Variants in GPHN observed in about 807,000 individuals in gnomAD.
The protein encoded by GPHN is gephyrin.
Under a neutral mutation model 95.5 loss-of-function variants are expected in GPHN, and 17 were observed. The observed-to-expected ratio is 0.18, with a 90% CI of 0.12 to 0.27. The LOEUF (loss-of-function observed/expected upper bound fraction) is 0.27, where lower values mean the gene tolerates loss of function less well. GPHN is among the 10% of genes least tolerant of loss of function. The probability of loss-of-function intolerance (pLI) is 1.00; values close to 1 mark genes in which losing one functional copy is unlikely to be tolerated. For synonymous variants in GPHN, 320 were observed against 322.5 expected, an observed-to-expected ratio of 0.99 and a Z score of 0.08; for missense variants, 660 against 978.1, an observed-to-expected ratio of 0.67 and a Z score of 4.34.
At chr14:66,557,624 C>G in intron 1 of GPHN, among the ~76,000 whole-genome samples, 1 of 152,190 alleles carries the variant, frequency 6.6e-6, no homozygotes, top group Non-Finnish European at 1.5e-5. Context: ...GTATATATAA[C>G]TTTTTTTCTC....
chr14:67,548,934 T>C, the GPHN span, among the ~76,000 whole-genome samples: 93,288 of 152,044 alleles, frequency 0.61, 29,019 homozygotes, highest in Non-Finnish European at 0.65. Context: ...TGGTTCTGTT[T>C]ACTCCCCTTA....
chr14:66,540,058 C>CAT (rs2059299191), intron 1 of GPHN, among the ~76,000 whole-genome samples: 1 of 152,180 alleles, frequency 6.6e-6, no homozygotes, highest in Non-Finnish European at 1.5e-5. Flanking sequence ...AGTTATGCTG[C>CAT]ATAACAAATG....
At chr14:67,386,925 C>T in the GPHN span, 1 of 154,458 alleles carries the variant, frequency 6.5e-6, no homozygotes, top group Non-Finnish European at 1.4e-5. Flanking sequence ...GTATGGGATT[C>T]TAATAGCTAG....
chr14:67,697,078 A>G, the GPHN span, among the ~76,000 whole-genome samples: 1 of 152,198 alleles, frequency 6.6e-6, no homozygotes, highest in Non-Finnish European at 1.5e-5. Flanking sequence ...TCATTCACGC[A>G]TTTGACAAAC....
chr14:66,610,789 G>T (rs936157629), intron 1 of GPHN, among the ~76,000 whole-genome samples: 1 of 152,128 alleles, frequency 6.6e-6, no homozygotes, highest in African/African-American at 2.4e-5. Flanking sequence ...AATGAGAAGG[G>T]ATGGAGAGTT....
At chr14:67,568,622 AAAAG>A in the GPHN span, among the ~76,000 whole-genome samples, 1 of 152,320 alleles carries the variant, frequency 6.6e-6, no homozygotes, top group East Asian at 1.9e-4. Flanking sequence ...ATTTTTTAAA[AAAAG>A]AAACAATAGA....
chr14:66,541,804 A>T (rs2059364259), intron 1 of GPHN, among the ~76,000 whole-genome samples: 1 of 152,186 alleles, frequency 6.6e-6, no homozygotes, highest in Non-Finnish European at 1.5e-5. Flanking sequence ...AAACAAATTC[A>T]CAGAGCAGCT....
At chr14:67,053,755 C>T (rs776373988) in intron 10 of GPHN, among the ~76,000 whole-genome samples, 2 of 152,178 alleles carry the variant, frequency 1.3e-5, no homozygotes, top group Admixed American at 6.5e-5. Context: ...CATCAAAAAG[C>T]TTATCCACAT....
the GPHN span, among the ~76,000 whole-genome samples, chr14:67,322,486 C>T: frequency 4.4e-3 from 668 of 152,230 alleles, 19 homozygotes; most frequent in East Asian, 0.06. Flanking sequence ...ATCTGCTGCT[C>T]ATGTCAAATT....
chr14:66,528,700 T>C (rs1235651862), intron 1 of GPHN, among the ~76,000 whole-genome samples: 2 of 152,210 alleles, frequency 1.3e-5, no homozygotes, highest in African/African-American at 4.8e-5. Flanking sequence ...TAAAGGATTT[T>C]ATTTCTCCTT....
chr14:67,218,195 G>T, the GPHN span, among the ~76,000 whole-genome samples: 4 of 152,156 alleles, frequency 2.6e-5, no homozygotes, highest in Non-Finnish European at 5.9e-5. Flanking sequence ...TGGCTTGCTG[G>T]GTTTGGGGCC....
chr14:67,504,983 C>T, the GPHN span, among the ~76,000 whole-genome samples: 144 of 152,194 alleles, frequency 9.5e-4, no homozygotes, highest in Non-Finnish European at 1.6e-3. Flanking sequence ...TTCCCAAGTG[C>T]GTTTGGATAT....
chr14:67,041,032 C>T (rs1372985440), intron 10 of GPHN, among the ~76,000 whole-genome samples: 3 of 152,016 alleles, frequency 2.0e-5, no homozygotes, highest in Non-Finnish European at 4.4e-5. Flanking sequence ...TTTCCCTAAA[C>T]CAATTATTAC....
In GPHN at chr14:66,721,895, G is replaced by T. The variant is rs549879757; in HGVS notation, c.143+40710G>T. 3.4e-5 allele frequency among the ~76,000 whole-genome samples: 5 copies of T among 146,362 alleles called. No individual in the cohort carries two copies. In the South Asian group the frequency reaches 6.5e-4, roughly 19 times the overall value. ...GAACCTGGGAGGCGGAGCTTGCAGT[G>T]AGCTGAGATTATGCCATTGTACTCC... is the stretch of plus-strand genomic sequence containing the variant. On this transcript the variant is annotated intron_variant, in intron 2 of 22. Coordinates refer to ENST00000478722, the MANE Select transcript of GPHN (RefSeq NM_020806.5).
chr14:66,843,853 T>A (rs2062200059), intron 4 of GPHN, among the ~76,000 whole-genome samples: 1 of 152,114 alleles, frequency 6.6e-6, no homozygotes, highest in East Asian at 1.9e-4. Flanking sequence ...AATAATCATC[T>A]TTGCTTAAGT....
Position 66,623,293 on chromosome 14 carries a change from C to T in GPHN, c.65-57814C>T, listed in dbSNP as rs190197226. 6.4e-4 allele frequency among the ~76,000 whole-genome samples: 97 copies of T among 152,242 alleles called. 1 individual carries two copies. Among genetic ancestry groups the T allele is most frequent in the Middle Eastern group, 3.4e-3 (1 of 294 alleles). ...CCCACCCCCATAATTCAATCACCTC[C>T]GACCAGGTTCCTCCCAAGACATGTG... is the stretch of plus-strand genomic sequence containing the variant. On this transcript the variant is annotated intron_variant, in intron 1 of 22. Coordinates refer to ENST00000478722, the MANE Select transcript of GPHN (RefSeq NM_020806.5).
At chr14:66,673,770 A>G (rs1451822453) in intron 1 of GPHN, among the ~76,000 whole-genome samples, 1 of 152,042 alleles carries the variant, frequency 6.6e-6, no homozygotes, top group East Asian at 1.9e-4. Context: ...CATTTCTTGT[A>G]TGTCAGGGCT....
chr14:67,579,228 G>A, the GPHN span: 1 of 1,611,338 alleles, frequency 6.2e-7, no homozygotes, highest in East Asian at 2.2e-5. Context: ...GCGCATGGAA[G>A]TGGTGTCCAT....
At chr14:67,018,804 A>G (rs979953580) in intron 9 of GPHN, among the ~76,000 whole-genome samples, 1 of 152,162 alleles carries the variant, frequency 6.6e-6, no homozygotes, top group Non-Finnish European at 1.5e-5. Flanking sequence ...TGATGAATGC[A>G]TTATCTCCTT....
Sources: gnomAD v4.1 joint callset for allele counts (sites outside exome capture counted in the v4.1 genomes callset) on GRCh38, gnomAD v4.1.1 for gene constraint, MANE v1.5 for transcripts, NCBI Gene and HGNC (gene_info 2026-07-23, HGNC 2026-07-21) for gene names.